The following ASB3 variants were observed in gnomAD, a reference collection of about 807,000 sequenced individuals.
ASB3 encodes ankyrin repeat and SOCS box containing 3.
Under a neutral mutation model 54.5 loss-of-function variants are expected in ASB3, and 41 were observed. The ratio of observed to expected loss-of-function variants is 0.75; its 90% CI spans 0.59 to 0.98. The LOEUF (loss-of-function observed/expected upper bound fraction) is 0.98. Among genes scored for constraint, ASB3 ranks in the 50% least tolerant of loss-of-function variants. The pLI is 0.00. For synonymous variants in ASB3, 266 were observed against 221.2 expected, an observed-to-expected ratio of 1.20 and a Z score of -1.80; for missense variants, 733 against 620.0, an observed-to-expected ratio of 1.18 and a Z score of -1.94.
At chr2:53,756,611 T>C (rs570072386) in intron 2 of ASB3, among the ~76,000 whole-genome samples, 3 of 152,250 alleles carry the variant, frequency 2.0e-5, no homozygotes, top group South Asian at 4.1e-4. Flanking sequence ...CATGTAATCC[T>C]TCAAGGACCT....
In ASB3 at chr2:53,728,755, A is replaced by G. The variant is rs536519389; in HGVS notation, c.561T>C (p.Ala187=). ...DFGITPLFVA[A]QYGKLESLSI... ...TCAAGCTTTCTAGCTTGCCATACTGAGCAGCCACAAATAAAGGTGTGATTC... is the reference window on the plus strand; with the variant it reads ...TCAAGCTTTCTAGCTTGCCATACTGGGCAGCCACAAATAAAGGTGTGATTC... The change falls in exon 5 of 10, where the codon GCT becomes GCC. Residue 187 remains alanine, a synonymous_variant. Transcript: ENST00000263634. 3.7e-6 allele frequency: 6 copies of G among 1,612,286 alleles called. 1 individual carries two copies. In the South Asian group the frequency reaches 6.6e-5, roughly 18 times the overall value.
At position 53,733,504 on chromosome 2, in the gene ASB3, C is replaced by G. The variant is rs1040005859; in HGVS notation, c.356-3934G>C. Among the ~76,000 whole-genome samples the G allele has an allele frequency of 4.0e-5, 6 of 151,284 alleles. No homozygotes were observed. The South Asian group carries it at 1.2e-3, about 31-fold the overall frequency. ...TCGCCCAAGCTCGACTGCAGTAGCACTATTTCGGCTCACAGCAACCTCTGT... is the reference window on the plus strand; with the variant it reads ...TCGCCCAAGCTCGACTGCAGTAGCAGTATTTCGGCTCACAGCAACCTCTGT... On this transcript the variant is annotated intron_variant, in intron 3 of 9. Coordinates refer to ENST00000263634, the MANE Select transcript of ASB3 (RefSeq NM_016115.5).
At chr2:53,679,452 A>G (rs1668248860) in intron 9 of ASB3, among the ~76,000 whole-genome samples, 1 of 152,044 alleles carries the variant, frequency 6.6e-6, no homozygotes, top group Non-Finnish European at 1.5e-5. Context: ...CAAGCTACAA[A>G]TTTATCTCTG....
intron 2 of ASB3, among the ~76,000 whole-genome samples, chr2:53,752,396 C>A (rs1672564053): frequency 3.3e-5 from 5 of 152,174 alleles, no homozygotes; most frequent in Admixed American, 3.3e-4. Context: ...GTCCTGCCAA[C>A]AGGTTCCCAC....
chr2:53,761,473 T>C (rs1251976447), intron 2 of ASB3, among the ~76,000 whole-genome samples: 1 of 151,850 alleles, frequency 6.6e-6, no homozygotes, highest in Non-Finnish European at 1.5e-5. Flanking sequence ...AACTAGGACA[T>C]GCATCTTCTC....
intron 3 of ASB3, among the ~76,000 whole-genome samples, chr2:53,745,118 G>T (rs1379690971): frequency 6.6e-6 from 1 of 152,036 alleles, no homozygotes; most frequent in Non-Finnish European, 1.5e-5. Context: ...AATATTAGCT[G>T]GATTTTTCAC....
intron 1 of ASB3, among the ~76,000 whole-genome samples, chr2:53,780,658 G>C (rs1674594486): frequency 6.6e-6 from 1 of 152,110 alleles, no homozygotes; most frequent in African/African-American, 2.4e-5. Flanking sequence ...CATGTCTGCA[G>C]TCCTAGCCAC....
intron 3 of ASB3, among the ~76,000 whole-genome samples, chr2:53,742,923 A>T (rs1440935114): frequency 1.3e-5 from 2 of 152,210 alleles, no homozygotes; most frequent in African/African-American, 4.8e-5. Flanking sequence ...AAAATATCCA[A>T]GTCTACATAT....
intron 9 of ASB3, among the ~76,000 whole-genome samples, chr2:53,671,352 G>A (rs898554470): frequency 7.7e-6 from 1 of 129,342 alleles, no homozygotes; most frequent in African/African-American, 3.1e-5. Context: ...TGAACCCAAA[G>A]CGTGTGTGTG....
intron 3 of ASB3, among the ~76,000 whole-genome samples, chr2:53,743,632 G>A (rs915158143): frequency 1.3e-5 from 2 of 152,094 alleles, no homozygotes; most frequent in African/African-American, 4.8e-5. Context: ...AAAGCTGGAG[G>A]TTTAAATCTA....
intron 2 of ASB3, among the ~76,000 whole-genome samples, chr2:53,755,804 G>A (rs535532675): frequency 5.9e-5 from 9 of 152,204 alleles, no homozygotes; most frequent in Non-Finnish European, 1.2e-4. Flanking sequence ...GAAAATACCC[G>A]AAACACATAT....
chr2:53,785,956 C>G (rs919252741), intron 1 of ASB3, among the ~76,000 whole-genome samples: 1 of 151,936 alleles, frequency 6.6e-6, no homozygotes, highest in African/African-American at 2.4e-5. Context: ...TTCTTTGATA[C>G]TATGGATTCC....
At chr2:53,768,301 G>A (rs1260890163) in intron 1 of ASB3, 2 of 375,942 alleles carry the variant, frequency 5.3e-6, no homozygotes, top group Non-Finnish European at 9.7e-6. Flanking sequence ...GGCTGAGTGC[G>A]GAGATGGGGA....
intron 9 of ASB3, among the ~76,000 whole-genome samples, chr2:53,674,455 A>C (rs1667976088): frequency 6.6e-6 from 1 of 152,230 alleles, no homozygotes; most frequent in Non-Finnish European, 1.5e-5. Context: ...GTTGTTATAC[A>C]AAGTTTTGTT....
At chr2:53,771,994 G>A (rs370016839) in intron 1 of ASB3, 104 of 1,028,358 alleles carry the variant, frequency 1.0e-4, no homozygotes, top group African/African-American at 1.3e-4. Context: ...AAAATGTTGC[G>A]ATGTTTCTGT....
chr2:53,735,723 G>A (rs999254843), intron 3 of ASB3, among the ~76,000 whole-genome samples: 1 of 151,868 alleles, frequency 6.6e-6, no homozygotes, highest in African/African-American at 2.4e-5. Flanking sequence ...AAAGCCAGAG[G>A]ACTCATACAA....
intron 3 of ASB3, among the ~76,000 whole-genome samples, chr2:53,745,320 T>C (rs1436457071): frequency 6.6e-6 from 1 of 152,198 alleles, no homozygotes; most frequent in East Asian, 1.9e-4. Context: ...ACCTGTGTGC[T>C]AGCAAAAAGA....
chr2:53,713,582 G>T (rs1264226361), intron 7 of ASB3, among the ~76,000 whole-genome samples: 1 of 152,044 alleles, frequency 6.6e-6, no homozygotes, highest in Non-Finnish European at 1.5e-5. Context: ...ATTAATTTGG[G>T]GGCGTTTAAA....
intron 9 of ASB3, among the ~76,000 whole-genome samples, chr2:53,689,259 C>A (rs1281221019): frequency 6.6e-6 from 1 of 152,040 alleles, no homozygotes; most frequent in Admixed American, 6.5e-5. Context: ...GCTGTTCATG[C>A]AGAACCTGCA....
Sources: allele counts gnomAD v4.1 joint callset (sites outside exome capture counted in the v4.1 genomes callset), GRCh38; gene constraint gnomAD v4.1.1; transcripts MANE v1.5; gene names NCBI Gene and HGNC (gene_info 2026-07-23, HGNC 2026-07-21).